Variants in AKAP11 observed in about 807,000 individuals in gnomAD.
AKAP11 encodes the protein A-kinase anchor protein 11.
Under a neutral mutation model 146.1 loss-of-function variants are expected in AKAP11, and 36 were observed. The ratio of observed to expected loss-of-function variants is 0.25; its 90% CI spans 0.19 to 0.33. The LOEUF (loss-of-function observed/expected upper bound fraction) is 0.33, where lower values mean the gene tolerates loss of function less well. Among genes scored for constraint, AKAP11 ranks in the 10% least tolerant of loss-of-function variants. AKAP11 has a pLI of 1.00. For missense variants in AKAP11, 2,201 were observed against 2,197.0 expected (o/e 1.00, Z -0.04); for synonymous variants, 780 against 786.5 (o/e 0.99, Z 0.14).
chr13:42,292,651 G>C (rs75345635), intron 4 of AKAP11, 150 bp downstream of exon 4: 1 of 440,130 alleles, frequency 2.3e-6, no homozygotes, highest in African/African-American at 2.0e-5. Context: ...GGGCGGGAGA[G>C]GGGAAAAAAA....
In AKAP11 at chr13:42,299,889, G is replaced by T. The variant is rs754076015; in HGVS notation, c.1143G>T (p.Gly381=). ...TCLFNKDPVI[G]KSSQRKGHKH... is the part of the protein sequence containing the mutation. ...TGTTTAACAAAGATCCCGTCATAGG[G>T]AAGTCATCGCAGAGGAAAGGGCACA... Residue 381 remains glycine (G), a synonymous_variant, in exon 8 of 13, where the codon GGG becomes GGT. Coordinates refer to ENST00000025301, the MANE Select transcript of AKAP11 (RefSeq NM_016248.4). 5.6e-6 allele frequency: 9 copies of T among 1,613,928 alleles called. No homozygotes were observed. The East Asian group carries it at 1.8e-4, about 32-fold the overall frequency.
intron 9 of AKAP11, among the ~76,000 whole-genome samples, chr13:42,310,774 G>A (rs1460576042): frequency 6.6e-6 from 1 of 151,450 alleles, no homozygotes; most frequent in African/African-American, 2.4e-5. Flanking sequence ...CAGGAGAATT[G>A]CTTGAACCTG....
intron 1 of AKAP11, among the ~76,000 whole-genome samples, chr13:42,279,269 A>C (rs142176570): frequency 7.8e-4 from 117 of 150,244 alleles, no homozygotes; most frequent in Admixed American, 1.4e-3. Flanking sequence ...ACACCCACAC[A>C]CACACACACA....
chr13:42,302,788 C>G lies in AKAP11; in HGVS notation c.4042C>G (p.His1348Asp). The G allele has an allele frequency of 6.2e-7, 1 of 1,613,966 alleles. No individual in the cohort carries two copies. The highest frequency in any genetic ancestry group is 8.5e-7 in the Non-Finnish European group (1 of 1,179,992). ...CESVTDEYAG[H>D]LIQILKQEGG... ...AAGTGTGACAGATGAATATGCAGGTCACCTTATTCAGATACTAAAACAGGA... is the reference window on the plus strand; with the variant it reads ...AAGTGTGACAGATGAATATGCAGGTGACCTTATTCAGATACTAAAACAGGA... Residue 1348 changes from histidine to aspartate, a missense_variant, in exon 8 of 13, where the codon CAC becomes GAC. Around this residue, in one of 3 missense-constraint regions of AKAP11, gnomAD observed 1,867 missense variants for 1,833.5 expected, o/e 1.02. Transcript: ENST00000025301.
In AKAP11 at chr13:42,299,243, A is replaced by G. The variant is rs779508549; in HGVS notation, c.617-120A>G. On this transcript the variant is annotated intron_variant, in intron 7 of 12. Transcript: ENST00000025301. Reference sequence around the variant, plus strand: ...ACTTGGGTGAATCTTTCTGTTAAACATAGTTTAGAAGATACACATAAATAT... The same window carrying G: ...ACTTGGGTGAATCTTTCTGTTAAACGTAGTTTAGAAGATACACATAAATAT... 36 of 821,578 alleles carry G rather than the reference A, an allele frequency of 4.4e-5. No individual in the cohort carries two copies. The East Asian group carries it at 6.2e-4, about 14-fold the overall frequency. The allele number at this position is 821,578 out of a possible 1,614,324, so 50.9% of individuals were successfully genotyped here.
At chr13:42,272,111 G>C (rs1226997709), upstream of AKAP11, 3 of 145,766 alleles carry the variant, frequency 2.1e-5, no homozygotes, top group African/African-American at 5.2e-5. Context: ...GGGCCGCGGG[G>C]CTGGGAGGGG....
chr13:42,295,648 A>C (rs1283191601), intron 4 of AKAP11, 47 bp from the exon 5 acceptor site: 1 of 1,560,250 alleles, frequency 6.4e-7, no homozygotes, highest in Non-Finnish European at 8.8e-7. Context: ...CCAGCCTGAA[A>C]GATTTAAAAA....
intron 9 of AKAP11, 61 bp from the exon 10 acceptor site, chr13:42,312,986 A>G: frequency 7.1e-7 from 1 of 1,416,480 alleles, no homozygotes; most frequent in Admixed American, 1.8e-5. Context: ...TTCCGAGGAA[A>G]CAAAGGTCTT....
rs979638016 is a variant in AKAP11 at position 42,302,644 on chromosome 13, G to A, written c.3898G>A (p.Val1300Ile). 6.2e-7 allele frequency: 1 copy of A among 1,614,192 alleles called. No individual in the cohort carries two copies. The highest frequency in any genetic ancestry group is 8.5e-7 in the Non-Finnish European group (1 of 1,180,026). Reference sequence around the variant, plus strand: ...TGCTGATGGTGACGAAGATTATAAAGTAGAAGAGAAGTTGGATATAGAGGC... The same window carrying A: ...TGCTGATGGTGACGAAGATTATAAAATAGAAGAGAAGTTGGATATAGAGGC... ...CYADGDEDYKVEEKLDIEAVV... is the reference protein window; with the variant it reads ...CYADGDEDYKIEEKLDIEAVV... The change falls in exon 8 of 13, where the codon GTA becomes ATA. Residue 1300 changes from valine to isoleucine, a missense_variant. Around this residue, in one of 3 missense-constraint regions of AKAP11, gnomAD observed 1,867 missense variants for 1,833.5 expected, o/e 1.02. Transcript: ENST00000025301.
chr13:42,291,673 T>G (rs1315491761), intron 3 of AKAP11, among the ~76,000 whole-genome samples: 1 of 152,194 alleles, frequency 6.6e-6, no homozygotes, highest in Non-Finnish European at 1.5e-5. Context: ...ATGGGTAGGA[T>G]TTCTACATGG....
In AKAP11 at chr13:42,301,768, C is replaced by T; in HGVS notation, c.3022C>T (p.Pro1008Ser). 1 of 1,614,108 alleles carries T rather than the reference C, an allele frequency of 6.2e-7. No homozygotes were observed. Among genetic ancestry groups the T allele is most frequent in the Non-Finnish European group, 8.5e-7 (1 of 1,180,002 alleles). ...CSLSAAKDCV[P>S]ECKVSMVHGS... Reference sequence around the variant, plus strand: ...ACTTTCAGCTGCAAAGGATTGTGTTCCAGAATGTAAAGTTTCTATGGTTCA... The same window carrying T: ...ACTTTCAGCTGCAAAGGATTGTGTTTCAGAATGTAAAGTTTCTATGGTTCA... The change falls in exon 8 of 13, where the codon CCA (proline) becomes TCA (serine). Residue 1008 changes from proline to serine, a missense_variant. Coordinates refer to ENST00000025301, the MANE Select transcript of AKAP11 (RefSeq NM_016248.4).
intron 1 of AKAP11, among the ~76,000 whole-genome samples, chr13:42,274,735 A>T (rs1444672164): frequency 6.6e-6 from 1 of 152,366 alleles, no homozygotes; most frequent in East Asian, 1.9e-4. Flanking sequence ...AAATTTGTAG[A>T]TTAGAGACTG....
chr13:42,291,316 A>T (rs1445468048), intron 3 of AKAP11, among the ~76,000 whole-genome samples: 1 of 152,116 alleles, frequency 6.6e-6, no homozygotes, highest in African/African-American at 2.4e-5. Context: ...GCAGTGGCGC[A>T]GTCTCAGCTA....
rs1959982983 is a variant in AKAP11, at chr13:42,302,427, G to A, written c.3681G>A (p.Lys1227=). 2.5e-6 allele frequency: 4 copies of A among 1,613,968 alleles called. No homozygotes were observed. Among genetic ancestry groups the A allele is most frequent in the Non-Finnish European group, 3.4e-6 (4 of 1,180,026 alleles). The change falls in exon 8 of 13, where the codon AAG becomes AAA. Residue 1227 remains lysine, a synonymous_variant. Coordinates refer to ENST00000025301, the MANE Select transcript of AKAP11 (RefSeq NM_016248.4). ...HLDNKIIQEP[K]VKNPCLNVQS... is the part of the protein sequence containing the mutation. Reference sequence around the variant, plus strand: ...ATAACAAAATAATTCAAGAACCCAAGGTTAAAAACCCTTGCTTAAATGTGC... The same window carrying A: ...ATAACAAAATAATTCAAGAACCCAAAGTTAAAAACCCTTGCTTAAATGTGC...
In AKAP11 at chr13:42,303,121, A is replaced by G. The variant is rs75106690; in HGVS notation, c.4375A>G (p.Thr1459Ala). ...NEVSQLYSFSTSLVHSITKDA... is the reference protein window; with the variant it reads ...NEVSQLYSFSASLVHSITKDA... The stretch of plus-strand genomic sequence containing the variant: ...GGTCTCCCAACTGTATAGTTTTTCA[A>G]CCTCTCTGGTTCACAGCATAACAAA... Residue 1459 changes from threonine (T) to alanine (A), a missense_variant, in exon 8 of 13, where the codon ACC becomes GCC. By Grantham distance (58) the Thr-to-Ala change is moderately conservative. Coordinates refer to ENST00000025301, the MANE Select transcript of AKAP11 (RefSeq NM_016248.4). 1.3e-3 allele frequency: 2,030 copies of G among 1,614,138 alleles called. 14 individuals are homozygous for G. In the African/African-American group the frequency reaches 0.019, roughly 15 times the overall value.
Position 42,301,986 on chromosome 13 carries a change from A to G in AKAP11, c.3240A>G (p.Val1080=). 1 of 1,614,160 alleles carries G rather than the reference A, an allele frequency of 6.2e-7. No homozygotes were observed. Among genetic ancestry groups the G allele is most frequent in the Non-Finnish European group, 8.5e-7 (1 of 1,180,002 alleles). The change falls in exon 8 of 13, where the codon GTA becomes GTG. Residue 1080 remains valine (V), a synonymous_variant. Coordinates refer to ENST00000025301, the MANE Select transcript of AKAP11 (RefSeq NM_016248.4). The part of the protein sequence containing the change: ...HTFSSTALTC[V]DGLHVEDKQK... ...TCTCATCTACAGCACTTACCTGTGT[A>G]GATGGTTTGCATGTGGAAGATAAAC...
At position 42,284,133 on chromosome 13, in the gene AKAP11, G is replaced by C. The variant is rs528436394; in HGVS notation, c.-99-1853G>C. 3.3e-5 allele frequency among the ~76,000 whole-genome samples: 5 copies of C among 152,226 alleles called. No homozygotes were observed. In the South Asian group the frequency reaches 1.0e-3, roughly 32 times the overall value. ...CAGTTTTTCTCATCGTCAAACCGGG[G>C]TCCTATTCTGTAGTCTTAAGGACAA... On this transcript the variant is annotated intron_variant, in intron 1 of 12. Coordinates refer to ENST00000025301, the MANE Select transcript of AKAP11 (RefSeq NM_016248.4).
chr13:42,287,111 C>T lies in AKAP11; in HGVS notation c.51+712C>T, dbSNP rs238331. Among the ~76,000 whole-genome samples the T allele has an allele frequency of 7.0e-3, 1,062 of 152,190 alleles. 12 individuals carry two copies. Among genetic ancestry groups the T allele is most frequent in the African/African-American group, 0.024 (1,015 of 41,526 alleles). ...TTTATGGTAACTCTTGTCTCCTTTGCTAATCTTTCCAAATTCTAATTATCA... is the reference window on the plus strand; with the variant it reads ...TTTATGGTAACTCTTGTCTCCTTTGTTAATCTTTCCAAATTCTAATTATCA... On this transcript the variant is annotated intron_variant, in intron 3 of 12. Transcript: ENST00000025301.
In AKAP11 at chr13:42,292,315, C is replaced by G. The variant is rs191304060; in HGVS notation, c.52-70C>G. 7.4e-4 allele frequency: 686 copies of G among 925,008 alleles called. 1 individual carries two copies. Among genetic ancestry groups the G allele is most frequent in the Admixed American group, 2.2e-3 (108 of 48,808 alleles). The allele number at this position is 925,008 out of a possible 1,614,324, so 57.3% of individuals were successfully genotyped here. ...GAGAATGAGTGACTATCTAAAACAT[C>G]TCCAGGATCTCTTACCCTTGTCTTA... On this transcript the variant is annotated intron_variant, in intron 3 of 12. Coordinates refer to ENST00000025301, the MANE Select transcript of AKAP11 (RefSeq NM_016248.4).
Sources: gnomAD v4.1 joint callset for allele counts (sites outside exome capture counted in the v4.1 genomes callset) on GRCh38, gnomAD v4.1.1 for gene constraint, gnomAD v4.1.1 regional missense constraint, MANE v1.5 for transcripts, NCBI Gene and HGNC (gene_info 2026-07-23, HGNC 2026-07-21) for gene names.